The following OTOP1 variants were observed in gnomAD, a reference collection of about 807,000 sequenced individuals.
OTOP1 encodes the protein otopetrin 1, also known as proton channel OTOP1.
In OTOP1, 59 loss-of-function variants were observed where a neutral mutation model predicts 52.9. That is an observed-to-expected ratio of 1.12 (90% confidence interval 0.91 to 1.39). The LOEUF is 1.39. Ranked by LOEUF, OTOP1 falls within the 40% of genes most tolerant of loss-of-function variation. OTOP1 has a pLI of 0.00. For synonymous variants in OTOP1, 317 were observed against 337.7 expected, an observed-to-expected ratio of 0.94 and a Z score of 0.67; for missense variants, 761 against 800.9, an observed-to-expected ratio of 0.95 and a Z score of 0.60.
intron 1 of OTOP1, among the ~76,000 whole-genome samples, chr4:4,217,784 C>T (rs934323306): frequency 6.6e-6 from 1 of 152,138 alleles, no homozygotes; most frequent in Non-Finnish European, 1.5e-5. Flanking sequence ...AACTGTCATC[C>T]ACATAACTTG....
intron 4 of OTOP1, among the ~76,000 whole-genome samples, chr4:4,200,117 G>A (rs1330664962): frequency 9.2e-5 from 14 of 152,170 alleles, no homozygotes; most frequent in Non-Finnish European, 1.9e-4. Context: ...AGCATTTACT[G>A]CATTTCTGGG....
intron 1 of OTOP1, among the ~76,000 whole-genome samples, chr4:4,221,038 T>TTATTC (rs1371638773): frequency 7.1e-6 from 1 of 141,484 alleles, no homozygotes; most frequent in Non-Finnish European, 1.5e-5. Flanking sequence ...ATATATTATT[T>TTATTC]TATTCTATTT....
intron 1 of OTOP1, among the ~76,000 whole-genome samples, chr4:4,222,744 G>A (rs2920236): frequency 6.6e-6 from 1 of 152,058 alleles, no homozygotes; most frequent in Middle Eastern, 3.2e-3. Flanking sequence ...AGATTGTCAC[G>A]AACACCAGGG....
intron 1 of OTOP1, among the ~76,000 whole-genome samples, chr4:4,222,538 G>A (rs972207861): frequency 6.6e-5 from 10 of 152,230 alleles, no homozygotes; most frequent in African/African-American, 2.4e-4. Context: ...TGATTTTTTG[G>A]CAGCCACATT....
At chr4:4,205,818 C>T (rs189100113) in intron 3 of OTOP1, among the ~76,000 whole-genome samples, 2 of 152,272 alleles carry the variant, frequency 1.3e-5, no homozygotes, top group Admixed American at 1.3e-4. Context: ...AACTGAGGGT[C>T]ATAACAGAAA....
intron 1 of OTOP1, among the ~76,000 whole-genome samples, chr4:4,226,185 G>C (rs1320575718): frequency 6.6e-6 from 1 of 152,236 alleles, no homozygotes; most frequent in African/African-American, 2.4e-5. Context: ...GCCACTGCAT[G>C]GCTTTAAGTC....
chr4:4,217,080 C>A (rs944962560), intron 1 of OTOP1, among the ~76,000 whole-genome samples: 2 of 152,198 alleles, frequency 1.3e-5, no homozygotes, highest in Non-Finnish European at 2.9e-5. Flanking sequence ...CTGTGGTTGA[C>A]TTGTCAAGGG....
At chr4:4,225,716 C>A (rs1717415650) in intron 1 of OTOP1, among the ~76,000 whole-genome samples, 1 of 152,194 alleles carries the variant, frequency 6.6e-6, no homozygotes, top group Non-Finnish European at 1.5e-5. Context: ...TTCATACCCC[C>A]TCATTTTCTC....
At chr4:4,200,271 G>A (rs1287606418) in intron 4 of OTOP1, among the ~76,000 whole-genome samples, 9 of 151,896 alleles carry the variant, frequency 5.9e-5, no homozygotes, top group East Asian at 5.8e-4. Flanking sequence ...CGAGGCGGGC[G>A]GATCACAAGG....
chr4:4,197,122 T>C, intron 5 of OTOP1, 44 bp downstream of exon 5: 1 of 1,535,970 alleles, frequency 6.5e-7, no homozygotes, highest in Non-Finnish European at 8.8e-7. Flanking sequence ...AAATGAAAGT[T>C]TAAAGTAAAA....
intron 1 of OTOP1, among the ~76,000 whole-genome samples, chr4:4,216,597 C>G (rs1332452859): frequency 6.6e-6 from 1 of 152,244 alleles, no homozygotes; most frequent in Non-Finnish European, 1.5e-5. Flanking sequence ...AGAAACAACT[C>G]TAACTCACAT....
intron 1 of OTOP1, among the ~76,000 whole-genome samples, chr4:4,221,476 C>G (rs564445692): frequency 1.0e-3 from 154 of 152,172 alleles, no homozygotes; most frequent in Non-Finnish European, 1.0e-3. Flanking sequence ...CAGGTGTTGC[C>G]TCCTCCCTGA....
intron 1 of OTOP1, among the ~76,000 whole-genome samples, chr4:4,214,279 C>CA (rs1317952348): frequency 9.3e-5 from 14 of 149,872 alleles, no homozygotes; most frequent in South Asian, 6.3e-4. Flanking sequence ...TGGCTACTAT[C>CA]AAAAAAAAAG....
In OTOP1 at chr4:4,197,414, G is replaced by A. The variant is rs770729760; in HGVS notation, c.1420C>T (p.Leu474Phe). 3.3e-5 allele frequency: 54 copies of A among 1,613,992 alleles called. No individual in the cohort carries two copies. Among genetic ancestry groups the A allele is most frequent in the Non-Finnish European group, 4.0e-5 (47 of 1,180,036 alleles). The stretch of plus-strand genomic sequence containing the variant: ...CCACTCTTGGGGCAGGAAGAAGCAA[G>A]GGGCATGGTGTTGCCATTGCAGACT... ...VTVCNGNTMP[L>F]ASSCPKSGGV... The change falls in exon 5 of 6, where the codon CTT becomes TTT. Residue 474 changes from leucine (L) to phenylalanine (F), a missense_variant. By Grantham distance (22) the Leu-to-Phe change is conservative. Coordinates refer to ENST00000296358, the MANE Select transcript of OTOP1 (RefSeq NM_177998.3).
intron 4 of OTOP1, among the ~76,000 whole-genome samples, chr4:4,200,138 G>T (rs1716748967): frequency 6.6e-6 from 1 of 152,094 alleles, no homozygotes; most frequent in Non-Finnish European, 1.5e-5. Context: ...TAAGTGTTGT[G>T]GATTTTTTTG....
At chr4:4,223,490 G>A (rs1236147217) in intron 1 of OTOP1, among the ~76,000 whole-genome samples, 3 of 152,146 alleles carry the variant, frequency 2.0e-5, no homozygotes, top group Non-Finnish European at 4.4e-5. Context: ...AGAGGATGAT[G>A]GTTCTAGGAA....
chr4:4,217,349 A>G (rs771772475), intron 1 of OTOP1, among the ~76,000 whole-genome samples: 6 of 152,248 alleles, frequency 3.9e-5, no homozygotes, highest in South Asian at 2.1e-4. Flanking sequence ...CTGGCAACAG[A>G]CTTTTTCTGT....
intron 5 of OTOP1, among the ~76,000 whole-genome samples, chr4:4,190,393 G>A (rs1269819277): frequency 6.6e-6 from 1 of 152,196 alleles, no homozygotes; most frequent in East Asian, 1.9e-4. Context: ...AGAATCCCTT[G>A]AACCCGGGAG....
At chr4:4,201,943 G>C (rs1716797542) in intron 4 of OTOP1, among the ~76,000 whole-genome samples, 1 of 152,112 alleles carries the variant, frequency 6.6e-6, no homozygotes, top group South Asian at 2.1e-4. Flanking sequence ...CTTTCAAATA[G>C]GAACAAGGTG....
Sources: allele counts gnomAD v4.1 joint callset (sites outside exome capture counted in the v4.1 genomes callset), GRCh38; gene constraint gnomAD v4.1.1; transcripts MANE v1.5; gene names NCBI Gene and HGNC (gene_info 2026-07-23, HGNC 2026-07-21).